The following PRMT8 variants were observed in gnomAD, a reference collection of about 807,000 sequenced individuals.
PRMT8 encodes protein arginine N-methyltransferase 8.
Under a neutral mutation model 47.1 loss-of-function variants are expected in PRMT8, and 7 were observed. The observed-to-expected ratio is 0.15, with a 90% CI of 0.08 to 0.28. The LOEUF (loss-of-function observed/expected upper bound fraction) is 0.28, where lower values mean the gene tolerates loss of function less well. Among genes scored for constraint, PRMT8 ranks in the 10% least tolerant of loss-of-function variants. The pLI, the probability that PRMT8 is intolerant of heterozygous loss-of-function variation, is 1.00. For missense variants in PRMT8, 237 were observed against 505.4 expected (o/e 0.47, Z 5.09); for synonymous variants, 188 against 186.5 (o/e 1.01, Z -0.07).
At chr12:3,586,100 T>C (rs775871576) in intron 8 of PRMT8, among the ~76,000 whole-genome samples, 1 of 152,170 alleles carries the variant, frequency 6.6e-6, no homozygotes, top group Non-Finnish European at 1.5e-5. Context: ...TCAGCCATAG[T>C]TTTATTTTCC....
At chr12:3,525,223 A>G (rs1865935465) in intron 1 of PRMT8, among the ~76,000 whole-genome samples, 1 of 151,960 alleles carries the variant, frequency 6.6e-6, no homozygotes, top group African/African-American at 2.4e-5. Context: ...CTCTGTCTCA[A>G]AAAAAAAGAG....
rs1565439837 is a variant in PRMT8, at chr12:3,553,689, C to T, written c.456C>T (p.Ile152=). ...GTATTTCTGACTACTCAGAGAAGAT[C>T]ATTAAGGCCAACCACTTGGACAACA... The part of the protein sequence containing the change: ...CSSISDYSEK[I]IKANHLDNII... The change falls in exon 4 of 10, where the codon ATC becomes ATT. Residue 152 remains isoleucine, a synonymous_variant. Coordinates refer to ENST00000382622, the MANE Select transcript of PRMT8 (RefSeq NM_019854.5). 6.2e-7 allele frequency: 1 copy of T among 1,605,942 alleles called. No homozygotes were observed. The highest frequency in any genetic ancestry group is 1.7e-5 in the Admixed American group (1 of 60,022).
At chr12:3,582,990 C>T in intron 7 of PRMT8, 68 bp from the exon 8 acceptor site, 1 of 1,555,922 alleles carries the variant, frequency 6.4e-7, no homozygotes, top group Non-Finnish European at 8.7e-7. Context: ...CAGAACGAGG[C>T]TGCTGACCGG....
intron 1 of PRMT8, among the ~76,000 whole-genome samples, chr12:3,388,051 T>C (rs200334112): frequency 3.6e-4 from 48 of 134,540 alleles, no homozygotes; most frequent in African/African-American, 1.2e-3. Flanking sequence ...TTTCCTTCCT[T>C]CCTCCCTCCC....
At chr12:3,446,223 C>G (rs530553469) in intron 1 of PRMT8, among the ~76,000 whole-genome samples, 2 of 152,232 alleles carry the variant, frequency 1.3e-5, no homozygotes, top group South Asian at 2.1e-4. Context: ...TGTTAGGTGG[C>G]CTGTTGCTGA....
chr12:3,497,076 C>T (rs1456241085), intron 1 of PRMT8, among the ~76,000 whole-genome samples: 2 of 152,202 alleles, frequency 1.3e-5, no homozygotes, highest in African/African-American at 4.8e-5. Flanking sequence ...TTATCACATA[C>T]CAGTGTGGAA....
At chr12:3,389,339 T>C (rs1364979251) in intron 1 of PRMT8, among the ~76,000 whole-genome samples, 1 of 152,156 alleles carries the variant, frequency 6.6e-6, no homozygotes, top group African/African-American at 2.4e-5. Flanking sequence ...TCCATGCTTA[T>C]CGCGCTGCAA....
chr12:3,471,565 C>T (rs572079997), intron 1 of PRMT8, among the ~76,000 whole-genome samples: 15 of 151,618 alleles, frequency 9.9e-5, no homozygotes, highest in Admixed American at 7.2e-4. Context: ...AGTCACCCCC[C>T]CTTGGCCCTG....
intron 1 of PRMT8, among the ~76,000 whole-genome samples, chr12:3,390,652 T>A (rs1176627493): frequency 2.6e-5 from 4 of 152,188 alleles, no homozygotes; most frequent in African/African-American, 9.7e-5. Context: ...TATATGGCAC[T>A]ATGACTGAAT....
intron 1 of PRMT8, among the ~76,000 whole-genome samples, chr12:3,482,250 G>A (rs1865281995): frequency 1.3e-5 from 2 of 152,192 alleles, no homozygotes; most frequent in Admixed American, 1.3e-4. Context: ...AAAAGAAGGC[G>A]AAAGGAAGAA....
chr12:3,583,069 T>A lies in PRMT8; in HGVS notation c.840T>A (p.Ile280=), dbSNP rs1591615507. The A allele has an allele frequency of 6.2e-7, 1 of 1,613,706 alleles. No individual in the cohort carries two copies. Residue 280 remains isoleucine (I), a synonymous_variant, in exon 8 of 10, where the codon ATT becomes ATA. Transcript: ENST00000382622. The surrounding 1 kb of genome is among the most constrained non-coding windows in gnomAD (Gnocchi z 4.7). ...TNACLIKEVD[I]YTVKTEELSF... ...TCTCTGGGCTGCAGGAGGTGGACAT[T>A]TACACAGTGAAGACGGAAGAGCTAT... is the stretch of plus-strand genomic sequence containing the variant.
At chr12:3,525,613 T>C (rs1865940818) in intron 1 of PRMT8, among the ~76,000 whole-genome samples, 1 of 152,190 alleles carries the variant, frequency 6.6e-6, no homozygotes, top group East Asian at 1.9e-4. Context: ...CCCCTCCTTT[T>C]AGGAGTGAAG....
intron 1 of PRMT8, among the ~76,000 whole-genome samples, chr12:3,406,892 C>T (rs1322974650): frequency 6.6e-6 from 1 of 152,182 alleles, no homozygotes; most frequent in Non-Finnish European, 1.5e-5. Flanking sequence ...TCCAAAGTCA[C>T]TTCTTCGTTT....
At chr12:3,531,659 T>G (rs1473321947) in intron 1 of PRMT8, among the ~76,000 whole-genome samples, 2 of 152,018 alleles carry the variant, frequency 1.3e-5, no homozygotes, top group Admixed American at 6.6e-5. Flanking sequence ...GTGCACAGCA[T>G]GCAGCTGCTG....
Position 3,580,376 on chromosome 12 carries a change from G to A in PRMT8, c.829-2682G>A, listed in dbSNP as rs961864422. Among the ~76,000 whole-genome samples the A allele has an allele frequency of 5.9e-5, 9 of 151,450 alleles. No homozygotes were observed. The highest frequency in any genetic ancestry group is 1.9e-4 in the East Asian group (1 of 5,146). On this transcript the variant is annotated intron_variant, in intron 7 of 9. Transcript: ENST00000382622. This position sits in a 1 kb window ranked among gnomAD's most constrained non-coding sequence, Gnocchi z 4.6. ...TGTGTGTGTGTGTGTGTACGCGTGCGCATGCGGGATAGAAGGAGAAAGTAA... is the reference window on the plus strand; with the variant it reads ...TGTGTGTGTGTGTGTGTACGCGTGCACATGCGGGATAGAAGGAGAAAGTAA...
chr12:3,438,084 C>T (rs1317168803), intron 1 of PRMT8, among the ~76,000 whole-genome samples: 6 of 152,134 alleles, frequency 3.9e-5, no homozygotes, highest in East Asian at 3.9e-4. Flanking sequence ...CAGCCACCTC[C>T]GAGTGGGGAG....
At chr12:3,389,022 G>A (rs1204183079) in intron 1 of PRMT8, among the ~76,000 whole-genome samples, 1 of 152,146 alleles carries the variant, frequency 6.6e-6, no homozygotes, top group African/African-American at 2.4e-5. Flanking sequence ...AGGACCACCT[G>A]CTTGCCAGCA....
intron 1 of PRMT8, among the ~76,000 whole-genome samples, chr12:3,513,710 C>T (rs1251942489): frequency 6.6e-6 from 1 of 152,198 alleles, no homozygotes; most frequent in Non-Finnish European, 1.5e-5. Flanking sequence ...GTGGTTCTTT[C>T]ATGTCACTTT....
intron 1 of PRMT8, among the ~76,000 whole-genome samples, chr12:3,398,457 C>T (rs1864284351): frequency 6.6e-6 from 1 of 152,220 alleles, no homozygotes; most frequent in Non-Finnish European, 1.5e-5. Context: ...GAAATACTGT[C>T]ATGTTCAGAA....
Sources: gnomAD v4.1 joint callset for allele counts (sites outside exome capture counted in the v4.1 genomes callset) on GRCh38, gnomAD v4.1.1 for gene constraint, Gnocchi (gnomAD v3.1) non-coding constraint, MANE v1.5 for transcripts, NCBI Gene and HGNC (gene_info 2026-07-23, HGNC 2026-07-21) for gene names.